The following ARB2A variants were observed in gnomAD, a reference collection of about 807,000 sequenced individuals.
ARB2A encodes the protein cotranscriptional regulator ARB2A.
the ARB2A span, among the ~76,000 whole-genome samples, chr5:93,882,055 C>T: frequency 6.7e-4 from 101 of 151,450 alleles, no homozygotes; most frequent in African/African-American, 2.4e-3. Flanking sequence ...TTTATACTAT[C>T]TGTTTTGAGA....
the ARB2A span, among the ~76,000 whole-genome samples, chr5:93,667,825 A>C: frequency 6.6e-6 from 1 of 152,218 alleles, no homozygotes; most frequent in African/African-American, 2.4e-5. Context: ...GCCAATTTAT[A>C]GGTAAATTCA....
the ARB2A span, among the ~76,000 whole-genome samples, chr5:93,882,688 G>C: frequency 6.6e-6 from 1 of 151,184 alleles, no homozygotes. Context: ...TATATATCTT[G>C]TCTTTTCTAT....
the ARB2A span, among the ~76,000 whole-genome samples, chr5:93,927,634 A>T: frequency 2.3e-4 from 35 of 152,146 alleles, no homozygotes; most frequent in Non-Finnish European, 1.3e-4. Context: ...TGACACATTG[A>T]TCTTTATCAT....
At chr5:93,683,099 G>C in the ARB2A span, 2 of 1,556,380 alleles carry the variant, frequency 1.3e-6, no homozygotes, top group Non-Finnish European at 1.7e-6. Context: ...ATTCTGATTT[G>C]ACTTTTGTGC....
the ARB2A span, among the ~76,000 whole-genome samples, chr5:94,058,340 C>T: frequency 6.6e-6 from 1 of 151,888 alleles, no homozygotes; most frequent in African/African-American, 2.4e-5. Flanking sequence ...TGTCTGGTAT[C>T]TATGAAAAAT....
the ARB2A span, among the ~76,000 whole-genome samples, chr5:93,981,813 CAA>C: frequency 2.0e-5 from 3 of 151,872 alleles, no homozygotes; most frequent in African/African-American, 7.3e-5. Flanking sequence ...TGATTAAATC[CAA>C]AGTTAACTCA....
At chr5:93,893,470 C>T in the ARB2A span, among the ~76,000 whole-genome samples, 328 of 152,204 alleles carry the variant, frequency 2.2e-3, 1 homozygote, top group Non-Finnish European at 3.9e-3. Context: ...GACTAGTCAA[C>T]GGGTGTCCAG....
the ARB2A span, among the ~76,000 whole-genome samples, chr5:93,873,725 G>C: frequency 1.3e-5 from 2 of 152,112 alleles, no homozygotes; most frequent in Admixed American, 6.5e-5. Flanking sequence ...TAGTGACCTT[G>C]TCAGGTGGGA....
chr5:93,813,493 T>C, the ARB2A span, among the ~76,000 whole-genome samples: 1 of 152,200 alleles, frequency 6.6e-6, no homozygotes, highest in East Asian at 1.9e-4. Flanking sequence ...CCTATCCATA[T>C]TGAACAAAAG....
chr5:93,855,079 T>A, the ARB2A span, among the ~76,000 whole-genome samples: 1 of 152,122 alleles, frequency 6.6e-6, no homozygotes, highest in Non-Finnish European at 1.5e-5. Flanking sequence ...CCCATTATTA[T>A]TGTGTGGGAG....
the ARB2A span, among the ~76,000 whole-genome samples, chr5:93,871,377 A>G: frequency 2.0e-5 from 3 of 152,342 alleles, no homozygotes; most frequent in South Asian, 2.1e-4. Context: ...AGACAGACCA[A>G]TGGATTTTTA....
At chr5:94,071,676 C>A in the ARB2A span, among the ~76,000 whole-genome samples, 2 of 151,990 alleles carry the variant, frequency 1.3e-5, no homozygotes, top group African/African-American at 4.8e-5. Context: ...CACTATGTAC[C>A]TAATAAAATG....
chr5:94,068,697 A>C, the ARB2A span, among the ~76,000 whole-genome samples: 15 of 152,114 alleles, frequency 9.9e-5, no homozygotes, highest in South Asian at 4.2e-4. Flanking sequence ...GAGCTAAGTT[A>C]TAAGCCCCAT....
chr5:93,806,774 TAG>T, the ARB2A span, among the ~76,000 whole-genome samples: 1 of 151,928 alleles, frequency 6.6e-6, no homozygotes, highest in Admixed American at 6.6e-5. Context: ...GCTTATGATA[TAG>T]AGTGACACCA....
chr5:93,917,825 C>T, the ARB2A span, among the ~76,000 whole-genome samples: 3 of 152,176 alleles, frequency 2.0e-5, no homozygotes, highest in African/African-American at 7.2e-5. Context: ...TAGCAGTGGG[C>T]TGTGATTGCA....
At chr5:93,694,087 G>C in the ARB2A span, among the ~76,000 whole-genome samples, 7 of 152,172 alleles carry the variant, frequency 4.6e-5, no homozygotes, top group Admixed American at 1.3e-4. Flanking sequence ...ATACGATACT[G>C]AATGTGCAAA....
At chr5:94,086,175 G>A in the ARB2A span, among the ~76,000 whole-genome samples, 1 of 152,160 alleles carries the variant, frequency 6.6e-6, no homozygotes, top group Non-Finnish European at 1.5e-5. Flanking sequence ...TTTTATATCA[G>A]TATATCACAT....
the ARB2A span, among the ~76,000 whole-genome samples, chr5:93,953,752 A>G: frequency 7.2e-5 from 11 of 152,208 alleles, no homozygotes; most frequent in Admixed American, 3.3e-4. Flanking sequence ...GCAGCTCCAG[A>G]GACACTATCA....
At chr5:93,828,741 T>C in the ARB2A span, among the ~76,000 whole-genome samples, 28 of 152,302 alleles carry the variant, frequency 1.8e-4, no homozygotes, top group African/African-American at 6.3e-4. Context: ...CCTCCTATTT[T>C]CTCACTGTTC....
Sources: gnomAD v4.1 joint callset for allele counts (sites outside exome capture counted in the v4.1 genomes callset) on GRCh38, gnomAD v4.1.1 for gene constraint, MANE v1.5 for transcripts, NCBI Gene and HGNC (gene_info 2026-07-23, HGNC 2026-07-21) for gene names.